The following AGBL3 variants were observed in gnomAD, a reference collection of about 807,000 sequenced individuals.
AGBL3 encodes the protein AGBL carboxypeptidase 3.
In AGBL3, 68 loss-of-function variants were observed where a neutral mutation model predicts 94.5. The ratio of observed to expected loss-of-function variants is 0.72; its 90% confidence interval spans 0.59 to 0.88. AGBL3 has a LOEUF of 0.88. Ranked by LOEUF, AGBL3 falls within the 40% of genes least tolerant of loss-of-function variation. The pLI is 0.00. For synonymous variants in AGBL3, 354 were observed against 370.7 expected (o/e 0.95, Z 0.52); for missense variants, 934 against 1,103.8 (o/e 0.85, Z 2.18).
At chr7:135,036,489 C>G (rs1204172256) in intron 7 of AGBL3, among the ~76,000 whole-genome samples, 1 of 152,088 alleles carries the variant, frequency 6.6e-6, no homozygotes, top group Admixed American at 6.6e-5. Flanking sequence ...GGCTTCAGCA[C>G]CAAGTCATCA....
At chr7:135,126,208 A>G (rs1827843201) in intron 16 of AGBL3, among the ~76,000 whole-genome samples, 1 of 152,256 alleles carries the variant, frequency 6.6e-6, no homozygotes, top group African/African-American at 2.4e-5. Context: ...CAGAATACAG[A>G]ATCAATGTGC....
At chr7:135,071,849 T>C in intron 12 of AGBL3, among the ~76,000 whole-genome samples, 1 of 152,192 alleles carries the variant, frequency 6.6e-6, no homozygotes, top group Non-Finnish European at 1.5e-5. Flanking sequence ...GACGTAGGCA[T>C]GGGCAAGGAC....
At chr7:135,119,445 G>A (rs531021008) in intron 16 of AGBL3, among the ~76,000 whole-genome samples, 12 of 151,910 alleles carry the variant, frequency 7.9e-5, no homozygotes, top group African/African-American at 2.9e-4. Context: ...TGGCCATGCT[G>A]GTCTCGAACT....
intron 12 of AGBL3, among the ~76,000 whole-genome samples, chr7:135,072,115 C>CA (rs1819972077): frequency 6.6e-6 from 1 of 152,188 alleles, no homozygotes; most frequent in Non-Finnish European, 1.5e-5. Context: ...TATGAACAGA[C>CA]ACTTCTCAAA....
intron 16 of AGBL3, among the ~76,000 whole-genome samples, chr7:135,126,214 T>C (rs972779835): frequency 2.6e-5 from 4 of 152,204 alleles, no homozygotes; most frequent in African/African-American, 9.6e-5. Context: ...ACAGAATCAA[T>C]GTGCAAAAAT....
intron 11 of AGBL3, among the ~76,000 whole-genome samples, chr7:135,046,677 T>C (rs1253179176): frequency 6.6e-6 from 1 of 152,104 alleles, no homozygotes; most frequent in Non-Finnish European, 1.5e-5. Flanking sequence ...CACTCAGTAA[T>C]ATTCCATTGT....
intron 8 of AGBL3, among the ~76,000 whole-genome samples, chr7:135,042,649 C>T (rs1030071104): frequency 6.6e-6 from 1 of 152,120 alleles, no homozygotes; most frequent in African/African-American, 2.4e-5. Flanking sequence ...GTGGCCCATA[C>T]CTGTAATCCC....
At chr7:135,031,459 A>G (rs888013927) in intron 5 of AGBL3, among the ~76,000 whole-genome samples, 2 of 152,038 alleles carry the variant, frequency 1.3e-5, no homozygotes, top group Non-Finnish European at 2.9e-5. Flanking sequence ...GGTTTTTACC[A>G]TGTTGGCCAG....
rs1829311586 is a variant in AGBL3, at chr7:135,135,581, A to G, written c.*320A>G. On this transcript the variant is annotated 3_prime_UTR_variant, in exon 17 of 17. Transcript: ENST00000436302. ...CATTCGACACCAAAAAAACTTAAGA[A>G]CTCAAAGTAGGAATGACATATAATA... The G allele has an allele frequency of 5.4e-6, 1 of 185,670 alleles. No homozygotes were observed. Among genetic ancestry groups the G allele is most frequent in the South Asian group, 1.7e-4 (1 of 5,892 alleles). The allele number at this position is 185,670 out of a possible 1,614,324, so 11.5% of individuals were successfully genotyped here. A position where few individuals can be genotyped will look rare whatever the true frequency, so the allele number is the denominator to read the frequency against.
chr7:135,101,961 G>A (rs1275225814), intron 15 of AGBL3, among the ~76,000 whole-genome samples: 4 of 152,074 alleles, frequency 2.6e-5, no homozygotes, highest in Middle Eastern at 3.2e-3. Flanking sequence ...AGGGGTTTCC[G>A]CTTTCGCTTT....
chr7:135,089,550 G>A lies in AGBL3; in HGVS notation c.2110+7760G>A, dbSNP rs78913010. Among the ~76,000 whole-genome samples, 32 of 152,282 alleles carry A rather than the reference G, an allele frequency of 2.1e-4. No individual in the cohort carries two copies. In the East Asian group the frequency reaches 6.2e-3, roughly 29 times the overall value. On this transcript the variant is annotated intron_variant, in intron 15 of 16. Coordinates refer to ENST00000436302, the MANE Select transcript of AGBL3 (RefSeq NM_178563.4). The stretch of plus-strand genomic sequence containing the variant: ...ACAGTTGGGTTTCTGTGTGCCATTT[G>A]GGAAGGATGTGCTGACTTGTTTCTG...
intron 15 of AGBL3, among the ~76,000 whole-genome samples, chr7:135,085,517 AC>A (rs951612919): frequency 1.6e-4 from 24 of 151,940 alleles, no homozygotes; most frequent in African/African-American, 5.3e-4. Context: ...TTTTGAATTG[AC>A]CTTTTTTATG....
intron 11 of AGBL3, among the ~76,000 whole-genome samples, chr7:135,058,932 T>C (rs1818577542): frequency 6.6e-6 from 1 of 152,112 alleles, no homozygotes. Context: ...AATTTTTGCA[T>C]TTTTAGCAGA....
chr7:135,105,218 C>T (rs1434106909), intron 15 of AGBL3, among the ~76,000 whole-genome samples: 2 of 151,924 alleles, frequency 1.3e-5, no homozygotes, highest in Non-Finnish European at 2.9e-5. Flanking sequence ...TACAGGTGCC[C>T]ACCACCACGT....
Position 135,034,713 on chromosome 7 carries a change from G to C in AGBL3, c.1122G>C (p.Met374Ile), listed in dbSNP as rs749016576. 15 of 1,550,746 alleles carry C rather than the reference G, an allele frequency of 9.7e-6. No individual in the cohort carries two copies. The South Asian group carries it at 1.5e-4, about 16-fold the overall frequency. Residue 374 changes from methionine to isoleucine, a missense_variant, in exon 7 of 17, where the codon ATG becomes ATC. Met to Ile is a conservative substitution (Grantham distance 10). Coordinates refer to ENST00000436302, the MANE Select transcript of AGBL3 (RefSeq NM_178563.4). Reference protein sequence around the residue: ...HPGETNSSWIMKGFLDYILGN... With the variant: ...HPGETNSSWIIKGFLDYILGN... ...GGGAAACCAACAGCTCTTGGATCATGAAAGGCTTCCTAGATTATATTTTAG... is the reference window on the plus strand; with the variant it reads ...GGGAAACCAACAGCTCTTGGATCATCAAAGGCTTCCTAGATTATATTTTAG...
intron 4 of AGBL3, among the ~76,000 whole-genome samples, chr7:135,016,382 A>C (rs1454954625): frequency 6.6e-6 from 1 of 152,088 alleles, no homozygotes. Context: ...TGTACACATA[A>C]TCTCCAAAAT....
intron 15 of AGBL3, among the ~76,000 whole-genome samples, chr7:135,108,815 T>A (rs891396453): frequency 1.3e-5 from 2 of 152,208 alleles, no homozygotes; most frequent in South Asian, 4.1e-4. Flanking sequence ...CTTTCAGGGA[T>A]GCAAATGATT....
rs2117379470 is a variant in AGBL3 at position 135,135,369 on chromosome 7, T to C, written c.*108T>C. On this transcript the variant is annotated 3_prime_UTR_variant, in exon 17 of 17. Transcript: ENST00000436302. ...CCTTCCCCTTTCCCTATCTCTCCCC[T>C]TACACATGCATATGCATAAACTAAA... 1 of 1,019,858 alleles carries C rather than the reference T, an allele frequency of 9.8e-7. No homozygotes were observed. The highest frequency in any genetic ancestry group is 1.3e-6 in the Non-Finnish European group (1 of 745,728). The allele number at this position is 1,019,858 out of a possible 1,614,324, so 63.2% of individuals were successfully genotyped here. A position where few individuals can be genotyped will look rare whatever the true frequency, so the allele number is the denominator to read the frequency against.
At position 135,067,114 on chromosome 7, in the gene AGBL3, T is replaced by C. The variant is rs542194714; in HGVS notation, c.1908+7879T>C. 7.7e-4 allele frequency among the ~76,000 whole-genome samples: 117 copies of C among 152,216 alleles called. 1 individual carries two copies. The highest frequency in any genetic ancestry group is 3.4e-3 in the Middle Eastern group (1 of 294). On this transcript the variant is annotated intron_variant, in intron 12 of 16. Coordinates refer to ENST00000436302, the MANE Select transcript of AGBL3 (RefSeq NM_178563.4). The stretch of plus-strand genomic sequence containing the variant: ...ATCCTGCGCCTGGCTCAGAGGGTCC[T>C]ACACCCATGGAGCCTCGCTCATTGC...
Sources: allele counts gnomAD v4.1 joint callset (sites outside exome capture counted in the v4.1 genomes callset), GRCh38; gene constraint gnomAD v4.1.1; transcripts MANE v1.5; gene names NCBI Gene and HGNC (gene_info 2026-07-23, HGNC 2026-07-21).